The following TMEM229B variants were observed in gnomAD, a reference collection of about 807,000 sequenced individuals.
TMEM229B encodes chromosome 14 open reading frame 83.
Under a neutral mutation model 13.7 loss-of-function variants are expected in TMEM229B, and 6 were observed. That is an observed-to-expected ratio of 0.44 (90% CI 0.24 to 0.86). The LOEUF (loss-of-function observed/expected upper bound fraction) is 0.86, where lower values mean the gene tolerates loss of function less well. Among genes scored for constraint, TMEM229B ranks in the 40% least tolerant of loss-of-function variants. TMEM229B has a pLI of 0.23. For missense variants in TMEM229B, 170 were observed against 236.0 expected (o/e 0.72, Z 1.83); for synonymous variants, 107 against 102.1 (o/e 1.05, Z -0.29).
rs550738729 is a variant in TMEM229B, at chr14:67,470,828, G to C, written c.*2592C>G. On this transcript the variant is annotated 3_prime_UTR_variant, in exon 3 of 3. Transcript: ENST00000554480. ...CTCAGAGATGCTGCCATGTCTAGTG[G>C]AGAGAGGCCCAGGACACCAGAGGTT... 2 of 152,810 alleles carry C rather than the reference G, an allele frequency of 1.3e-5. No homozygotes were observed. The highest frequency in any genetic ancestry group is 3.9e-4 in the East Asian group (2 of 5,184). The allele number at this position is 152,810 out of a possible 1,614,324, so 9.5% of individuals were successfully genotyped here. A position where few individuals can be genotyped will look rare whatever the true frequency, so the allele number is the denominator to read the frequency against.
intron 2 of TMEM229B, among the ~76,000 whole-genome samples, chr14:67,486,059 C>T (rs1173839440): frequency 2.6e-5 from 4 of 152,358 alleles, no homozygotes; most frequent in Admixed American, 6.5e-5. Flanking sequence ...TGAAGCCTGA[C>T]GGCCAAAGTA....
chr14:67,474,239 G>A (rs1040711696), intron 2 of TMEM229B, among the ~76,000 whole-genome samples: 2 of 148,454 alleles, frequency 1.3e-5, no homozygotes, highest in African/African-American at 5.1e-5. Flanking sequence ...GAGACAGAGT[G>A]AGACTCTGTC....
rs189359287 is a variant in TMEM229B, at chr14:67,495,847, G to A, written c.-191-8675C>T. ...CATGCTATTCCAAGTCACACTGCCT[G>A]ACTTAGGCCTTGAGGCCATGTTCCT... is the stretch of plus-strand genomic sequence containing the variant. On this transcript the variant is annotated intron_variant, in intron 1 of 2. Coordinates refer to the TMEM229B transcript ENST00000357461. 2.6e-5 allele frequency among the ~76,000 whole-genome samples: 4 copies of A among 152,332 alleles called. No individual in the cohort carries two copies. In the East Asian group the frequency reaches 7.7e-4, roughly 29 times the overall value.
chr14:67,504,605 G>A (rs548262352), intron 1 of TMEM229B, among the ~76,000 whole-genome samples: 1 of 152,094 alleles, frequency 6.6e-6, no homozygotes, highest in Non-Finnish European at 1.5e-5. Context: ...AAAAACAATA[G>A]GCCATGTGCG....
chr14:67,526,872 A>G (rs1428268394), intron 1 of TMEM229B, among the ~76,000 whole-genome samples: 1 of 152,008 alleles, frequency 6.6e-6, no homozygotes, highest in East Asian at 1.9e-4. Context: ...CAAAGAGGGG[A>G]GGGCAAAGAG....
At chr14:67,517,853 G>C (rs768302461), upstream of TMEM229B, among the ~76,000 whole-genome samples, 132 of 152,344 alleles carry the variant, frequency 8.7e-4, no homozygotes, top group Non-Finnish European at 1.5e-3. Context: ...GCAAAATGCA[G>C]TTCAAACTCA....
At chr14:67,477,682 T>C (rs1470540243) in intron 2 of TMEM229B, among the ~76,000 whole-genome samples, 2 of 152,194 alleles carry the variant, frequency 1.3e-5, no homozygotes, top group Admixed American at 6.5e-5. Context: ...CCTAGCACTT[T>C]GGGAGGCAGA....
chr14:67,506,537 T>C (rs2032831978), intron 1 of TMEM229B, among the ~76,000 whole-genome samples: 1 of 152,040 alleles, frequency 6.6e-6, no homozygotes, highest in Non-Finnish European at 1.5e-5. Flanking sequence ...ATAAAAATAA[T>C]GGGGATAGGG....
At chr14:67,513,455 C>T (rs1187577521) in intron 1 of TMEM229B, among the ~76,000 whole-genome samples, 1 of 152,198 alleles carries the variant, frequency 6.6e-6, no homozygotes, top group East Asian at 1.9e-4. Flanking sequence ...GGTCCTGGAA[C>T]CTCCGTTGCT....
intron 2 of TMEM229B, among the ~76,000 whole-genome samples, chr14:67,485,105 C>A (rs2031796839): frequency 6.6e-6 from 1 of 152,228 alleles, no homozygotes; most frequent in Non-Finnish European, 1.5e-5. Context: ...TTCTCTGGTA[C>A]TATTTCCTAA....
intron 1 of TMEM229B, among the ~76,000 whole-genome samples, chr14:67,526,208 A>G (rs535470466): frequency 6.6e-6 from 1 of 152,378 alleles, no homozygotes; most frequent in South Asian, 2.1e-4. Context: ...GCTCACTTCT[A>G]CATAAGCAAA....
chr14:67,480,503 C>T, intron 2 of TMEM229B, among the ~76,000 whole-genome samples: 1 of 152,162 alleles, frequency 6.6e-6, no homozygotes, highest in East Asian at 1.9e-4. Flanking sequence ...CACAGCCTCT[C>T]ACCCCCTCAT....
intron 2 of TMEM229B, among the ~76,000 whole-genome samples, chr14:67,480,630 T>G (rs1413725081): frequency 6.6e-6 from 1 of 152,196 alleles, no homozygotes; most frequent in African/African-American, 2.4e-5. Context: ...CCTCTGGACC[T>G]CCTACCCCAA....
upstream of TMEM229B, among the ~76,000 whole-genome samples, chr14:67,518,760 T>C (rs1475915554): frequency 6.6e-6 from 1 of 152,190 alleles, no homozygotes; most frequent in Non-Finnish European, 1.5e-5. Context: ...TTATGCTTGT[T>C]AGAGAGAATT....
chr14:67,482,527 G>A (rs1285294545), intron 2 of TMEM229B, among the ~76,000 whole-genome samples: 6 of 152,122 alleles, frequency 3.9e-5, no homozygotes, highest in African/African-American at 7.2e-5. Context: ...CCCATCCCCA[G>A]CCACCCCCAT....
upstream of TMEM229B, among the ~76,000 whole-genome samples, chr14:67,517,167 A>C (rs1012723638): frequency 2.0e-5 from 3 of 152,196 alleles, no homozygotes; most frequent in Non-Finnish European, 4.4e-5. Flanking sequence ...AGAAGCAGCT[A>C]GTCTAGCAGC....
upstream of TMEM229B, among the ~76,000 whole-genome samples, chr14:67,490,637 G>A (rs1315111809): frequency 1.3e-5 from 2 of 152,132 alleles, no homozygotes; most frequent in African/African-American, 4.8e-5. Context: ...GGTAAGCTGG[G>A]CTTGCAGGAT....
intron 2 of TMEM229B, among the ~76,000 whole-genome samples, chr14:67,481,450 G>A (rs1349877522): frequency 6.6e-6 from 1 of 152,158 alleles, no homozygotes; most frequent in Admixed American, 6.5e-5. Context: ...AGAACTAGGA[G>A]AACATAGCTG....
chr14:67,527,726 A>G (rs2033389262), intron 1 of TMEM229B, among the ~76,000 whole-genome samples: 1 of 152,196 alleles, frequency 6.6e-6, no homozygotes, highest in South Asian at 2.1e-4. Flanking sequence ...CCTTATCTCC[A>G]GGCTGAGGAT....
Sources: allele counts gnomAD v4.1 joint callset (sites outside exome capture counted in the v4.1 genomes callset), GRCh38; gene constraint gnomAD v4.1.1; transcripts MANE v1.5; gene names NCBI Gene and HGNC (gene_info 2026-07-23, HGNC 2026-07-21).